The following TENM4 variants were observed in gnomAD, a reference collection of about 807,000 sequenced individuals.
TENM4 encodes teneurin transmembrane protein 4.
In TENM4, 82 loss-of-function variants were observed where a neutral mutation model predicts 243.3. The ratio of observed to expected loss-of-function variants is 0.34; its 90% CI spans 0.28 to 0.40. The LOEUF is 0.40. Ranked by LOEUF, TENM4 falls within the 10% of genes least tolerant of loss-of-function variation. The pLI is 1.00. For synonymous variants in TENM4, 1,412 were observed against 1,456.3 expected (o/e 0.97, Z 0.69); for missense variants, 3,138 against 3,673.3 (o/e 0.85, Z 3.77).
At chr11:79,414,157 TACAC>T (rs10587790) in intron 1 of TENM4, among the ~76,000 whole-genome samples, 66,467 of 150,462 alleles carry the variant, frequency 0.44, 14,460 homozygotes, top group East Asian at 0.49. Context: ...CACACATGTG[TACAC>T]ACACACACAC....
intron 5 of TENM4, chr11:79,067,951 A>G (rs570004028): frequency 1.3e-5 from 2 of 152,280 alleles, no homozygotes; most frequent in East Asian, 3.9e-4. Flanking sequence ...CAGGGTGATA[A>G]TTTGAAGGAG....
chr11:79,388,667 C>A (rs1048058857), intron 1 of TENM4, among the ~76,000 whole-genome samples: 1 of 152,182 alleles, frequency 6.6e-6, no homozygotes. Context: ...GAGCACCACT[C>A]GATGGGATGC....
At chr11:78,775,951 GTATT>G (rs931947706) in intron 17 of TENM4, among the ~76,000 whole-genome samples, 2 of 152,098 alleles carry the variant, frequency 1.3e-5, no homozygotes, top group African/African-American at 4.8e-5. Context: ...ATCCTTGAAG[GTATT>G]TATTTTTTAG....
intron 18 of TENM4, among the ~76,000 whole-genome samples, chr11:78,758,936 T>A (rs1341867319): frequency 1.3e-5 from 2 of 152,182 alleles, no homozygotes; most frequent in Non-Finnish European, 2.9e-5. Context: ...AGAGTAAGTG[T>A]CAAACAAGTA....
At chr11:78,829,030 C>T (rs1353979228) in intron 12 of TENM4, among the ~76,000 whole-genome samples, 1 of 152,226 alleles carries the variant, frequency 6.6e-6, no homozygotes, top group Non-Finnish European at 1.5e-5. Flanking sequence ...TTTGGTGCTC[C>T]TACACTCAGC....
At chr11:79,395,190 C>T (rs1858317731) in intron 1 of TENM4, among the ~76,000 whole-genome samples, 1 of 152,198 alleles carries the variant, frequency 6.6e-6, no homozygotes, top group Non-Finnish European at 1.5e-5. Flanking sequence ...TAATTCCTCC[C>T]TGAATTCCTA....
intron 16 of TENM4, among the ~76,000 whole-genome samples, chr11:78,782,307 C>T (rs570061705): frequency 1.3e-3 from 203 of 152,068 alleles, no homozygotes; most frequent in African/African-American, 4.5e-3. Flanking sequence ...ACTAAAAATA[C>T]AAAAATTAGG....
chr11:78,842,609 C>T lies in TENM4; in HGVS notation c.1681+11495G>A, dbSNP rs150226021. ...TGGCCTGAACCTCATTTTCCAGGCT[C>T]TCCTCTGGGTATCACCCTCTCATGT... is the stretch of plus-strand genomic sequence containing the variant. On this transcript the variant is annotated intron_variant, in intron 12 of 33. Transcript: ENST00000278550. 4.9e-3 allele frequency among the ~76,000 whole-genome samples: 751 copies of T among 152,368 alleles called. 10 individuals are homozygous for T. The highest frequency in any genetic ancestry group is 0.017 in the African/African-American group (718 of 41,594).
intron 9 of TENM4, among the ~76,000 whole-genome samples, chr11:78,876,638 T>G (rs1365316900): frequency 6.6e-6 from 1 of 152,242 alleles, no homozygotes; most frequent in African/African-American, 2.4e-5. Context: ...GTAATATACC[T>G]TTATCATCTG....
intron 3 of TENM4, among the ~76,000 whole-genome samples, chr11:79,201,015 G>T (rs1008128593): frequency 2.0e-5 from 3 of 152,166 alleles, no homozygotes; most frequent in Non-Finnish European, 1.5e-5. Context: ...GAAAAAGTTC[G>T]TGCTGCAGAG....
intron 6 of TENM4, among the ~76,000 whole-genome samples, chr11:78,978,428 T>C (rs1323785960): frequency 6.6e-6 from 1 of 152,000 alleles, no homozygotes; most frequent in African/African-American, 2.4e-5. Context: ...ATCCATTTAG[T>C]CCTTGCAACA....
intron 1 of TENM4, among the ~76,000 whole-genome samples, chr11:79,390,500 A>G (rs1858209503): frequency 6.6e-6 from 1 of 152,182 alleles, no homozygotes; most frequent in Admixed American, 6.5e-5. Flanking sequence ...AGTATCACCC[A>G]CTATAACAGT....
At chr11:78,878,369 G>A (rs1426249635) in intron 9 of TENM4, among the ~76,000 whole-genome samples, 1 of 152,046 alleles carries the variant, frequency 6.6e-6, no homozygotes, top group African/African-American at 2.4e-5. Context: ...GATATTAAAC[G>A]ATCCACGTCA....
rs555309143 is a variant in TENM4 at position 79,032,407 on chromosome 11, G to T, written c.493+32331C>A. Reference sequence around the variant, plus strand: ...AGCAGCTGAAGTCTGAGAAGAAAATGGCTGTCCAGGGTCACAGGGCAAGTA... The same window carrying T: ...AGCAGCTGAAGTCTGAGAAGAAAATTGCTGTCCAGGGTCACAGGGCAAGTA... On this transcript the variant is annotated intron_variant, in intron 6 of 33. Coordinates refer to ENST00000278550, the MANE Select transcript of TENM4 (RefSeq NM_001098816.3). 1.6e-3 allele frequency among the ~76,000 whole-genome samples: 241 copies of T among 152,304 alleles called. 1 individual carries two copies. The highest frequency in any genetic ancestry group is 5.5e-3 in the African/African-American group (229 of 41,578).
chr11:79,270,224 G>A (rs1435660633), intron 2 of TENM4, among the ~76,000 whole-genome samples: 2 of 152,124 alleles, frequency 1.3e-5, no homozygotes, highest in Admixed American at 6.5e-5. Context: ...GCCAGTTTGG[G>A]TTGTTAACAA....
chr11:78,730,262 C>A (rs779392145), intron 21 of TENM4, among the ~76,000 whole-genome samples: 2 of 152,220 alleles, frequency 1.3e-5, no homozygotes, highest in Non-Finnish European at 2.9e-5. Context: ...ACTACTGCGG[C>A]CAGCTGCCTA....
chr11:79,381,996 A>C (rs1478387771), intron 1 of TENM4, among the ~76,000 whole-genome samples: 1 of 152,156 alleles, frequency 6.6e-6, no homozygotes, highest in African/African-American at 2.4e-5. Flanking sequence ...TGGGGTTTCA[A>C]ACTAGGTCAC....
At chr11:79,153,834 G>A (rs1862553626) in intron 3 of TENM4, among the ~76,000 whole-genome samples, 1 of 152,032 alleles carries the variant, frequency 6.6e-6, no homozygotes, top group Non-Finnish European at 1.5e-5. Flanking sequence ...ACCAGCCCCT[G>A]AGCAGGAAGA....
chr11:78,871,686 T>A (rs879456917), intron 9 of TENM4, among the ~76,000 whole-genome samples: 2 of 152,186 alleles, frequency 1.3e-5, no homozygotes, highest in Non-Finnish European at 2.9e-5. Flanking sequence ...TGTTCTTCCA[T>A]CAGGCGCTGC....
Sources: gnomAD v4.1 joint callset for allele counts (sites outside exome capture counted in the v4.1 genomes callset) on GRCh38, gnomAD v4.1.1 for gene constraint, MANE v1.5 for transcripts, NCBI Gene and HGNC (gene_info 2026-07-23, HGNC 2026-07-21) for gene names.